Variants in ATP11A observed in about 807,000 individuals in gnomAD.
ATP11A encodes the protein ATPase phospholipid transporting 11A, also known as phospholipid-transporting ATPase IH.
In ATP11A, 81 loss-of-function variants were observed where a neutral mutation model predicts 154.4. The observed-to-expected ratio is 0.52, with a 90% CI of 0.44 to 0.63. The LOEUF (loss-of-function observed/expected upper bound fraction) is 0.63, where lower values mean the gene tolerates loss of function less well. Ranked by LOEUF, ATP11A falls within the 30% of genes least tolerant of loss-of-function variation. The pLI is 0.00. For missense variants in ATP11A, 1,316 were observed against 1,474.3 expected (o/e 0.89, Z 1.76); for synonymous variants, 623 against 585.9 (o/e 1.06, Z -0.91).
intron 1 of ATP11A, among the ~76,000 whole-genome samples, chr13:112,702,406 C>CCCCCG: frequency 6.6e-6 from 1 of 151,534 alleles, no homozygotes; most frequent in South Asian, 2.1e-4. Flanking sequence ...ACACGGAGGC[C>CCCCCG]CCCCGCCCCG....
rs9549564 is a variant in ATP11A at position 112,825,499 on chromosome 13, G to A, written c.942G>A (p.Leu314=). The change falls in exon 11 of 30, where the codon CTG becomes CTA. Residue 314 remains leucine, a synonymous_variant. Transcript: ENST00000375645. ...GCAAAGCCCTGATAAACACTGTGCT[G>A]AAATACATGTGGCAGAGTGAGCCCT... ...LISKALINTV[L]KYMWQSEPFR... The A allele has an allele frequency of 0.27, 437,319 of 1,613,006 alleles. 61,455 individuals are homozygous for A. The highest frequency in any genetic ancestry group is 0.28 in the Admixed American group (17,049 of 59,876).
Position 112,811,161 on chromosome 13 carries a change from A to AACACACACACACACACACACAAAC in ATP11A, c.441+456_441+457insAACACACACACACACACACACACA, listed in dbSNP as rs1392664308. On this transcript the variant is annotated intron_variant, in intron 5 of 29. Transcript: ENST00000375645. ...GGTGGATGTACCCACTGCCCCTTCC[A>AACACACACACACACACACACAAAC]ACACACACACACACACACACACACA... 4.8e-4 allele frequency among the ~76,000 whole-genome samples: 56 copies of AACACACACACACACACACACAAAC among 115,590 alleles called. 1 individual carries two copies. Among genetic ancestry groups the AACACACACACACACACACACAAAC allele is most frequent in the African/African-American group, 1.9e-3 (54 of 28,012 alleles). 75.8% of individuals were successfully genotyped at this position (115,590 alleles called of 152,430 possible). A position where few individuals can be genotyped will look rare whatever the true frequency, so the allele number is the denominator to read the frequency against.
intron 13 of ATP11A, among the ~76,000 whole-genome samples, 183 bp from the exon 14 acceptor site, chr13:112,832,677 T>C (rs1352807142): frequency 2.6e-5 from 4 of 152,030 alleles, no homozygotes; most frequent in Non-Finnish European, 5.9e-5. Flanking sequence ...CAAAACAGAG[T>C]GCTTGAGAAC....
chr13:112,757,564 G>A (rs866125162), intron 1 of ATP11A, among the ~76,000 whole-genome samples: 32 of 152,176 alleles, frequency 2.1e-4, no homozygotes, highest in Non-Finnish European at 3.5e-4. Flanking sequence ...GATTTGAATC[G>A]GGAAAAGCAG....
At chr13:112,780,222 C>G (rs982824942) in intron 1 of ATP11A, among the ~76,000 whole-genome samples, 2 of 152,234 alleles carry the variant, frequency 1.3e-5, no homozygotes, top group Middle Eastern at 6.8e-3. Flanking sequence ...TTGGTTCCAA[C>G]TGGAAAATAT....
intron 25 of ATP11A, among the ~76,000 whole-genome samples, chr13:112,871,294 T>C (rs113981039): frequency 7.9e-5 from 12 of 152,244 alleles, no homozygotes; most frequent in African/African-American, 2.7e-4. Context: ...CTCAGGCAAC[T>C]GTCTTTTCTA....
At chr13:112,771,900 G>A (rs527679099) in intron 1 of ATP11A, among the ~76,000 whole-genome samples, 1 of 152,364 alleles carries the variant, frequency 6.6e-6, no homozygotes, top group African/African-American at 2.4e-5. Flanking sequence ...CCAGTCCGGT[G>A]GGGAGTGAAG....
chr13:112,819,809 GTGT>G, intron 7 of ATP11A, 88 bp from the exon 8 acceptor site: 1 of 1,369,316 alleles, frequency 7.3e-7, no homozygotes, highest in Non-Finnish European at 1.0e-6. Context: ...AGGTGAAGAC[GTGT>G]GGCTCACAGA....
intron 1 of ATP11A, among the ~76,000 whole-genome samples, chr13:112,759,339 G>A (rs981563752): frequency 2.0e-5 from 3 of 152,192 alleles, no homozygotes; most frequent in Non-Finnish European, 2.9e-5. Context: ...GAGCAGTCTT[G>A]TTCCAGCCAC....
intron 1 of ATP11A, among the ~76,000 whole-genome samples, chr13:112,716,076 G>A (rs917272676): frequency 6.6e-6 from 1 of 152,002 alleles, no homozygotes; most frequent in Non-Finnish European, 1.5e-5. Context: ...GGAGAGGCTT[G>A]GAGCTCATTC....
intron 1 of ATP11A, among the ~76,000 whole-genome samples, chr13:112,742,530 A>G (rs1039892690): frequency 1.3e-5 from 2 of 152,360 alleles, no homozygotes; most frequent in Non-Finnish European, 2.9e-5. Context: ...CTGGACGACC[A>G]AAAGTGAGAA....
intron 2 of ATP11A, among the ~76,000 whole-genome samples, chr13:112,788,927 A>C (rs999348091): frequency 3.3e-5 from 5 of 151,982 alleles, no homozygotes; most frequent in Non-Finnish European, 5.9e-5. Context: ...CCTGATATGT[A>C]GATCCCTGTG....
intron 7 of ATP11A, 32 bp downstream of exon 7, chr13:112,819,439 G>A (rs897022527): frequency 6.3e-7 from 1 of 1,595,994 alleles, no homozygotes; most frequent in Non-Finnish European, 8.6e-7. Flanking sequence ...TTTAGAAACG[G>A]TTTTTTATGC....
At chr13:112,776,635 G>A (rs748948418) in intron 1 of ATP11A, among the ~76,000 whole-genome samples, 20 of 152,014 alleles carry the variant, frequency 1.3e-4, no homozygotes, top group South Asian at 4.2e-4. Context: ...TCAATCTGTC[G>A]TCCAGGCTGA....
At chr13:112,722,886 A>G (rs571059460) in intron 1 of ATP11A, among the ~76,000 whole-genome samples, 1 of 151,826 alleles carries the variant, frequency 6.6e-6, no homozygotes, top group South Asian at 2.1e-4. Flanking sequence ...TCAGCCGGAA[A>G]GGCAGGATGA....
intron 1 of ATP11A, among the ~76,000 whole-genome samples, chr13:112,742,206 C>T (rs753687145): frequency 3.9e-5 from 6 of 152,214 alleles, no homozygotes; most frequent in Admixed American, 6.5e-5. Context: ...AAAATAAGTG[C>T]AGGCTCATGT....
At chr13:112,842,471 G>T (rs2079450741) in intron 17 of ATP11A, 92 bp downstream of exon 17, 10 of 976,020 alleles carry the variant, frequency 1.0e-5, no homozygotes, top group Middle Eastern at 2.1e-4. Context: ...GCTGGGAATG[G>T]CGTATTGTAT....
chr13:112,734,065 G>A (rs780122686), intron 1 of ATP11A, among the ~76,000 whole-genome samples: 1 of 152,126 alleles, frequency 6.6e-6, no homozygotes, highest in African/African-American at 2.4e-5. Context: ...GATTTCATCC[G>A]GGTTAATGAG....
At position 112,882,653 on chromosome 13, in the gene ATP11A, A is replaced by G; in HGVS notation, c.*787A>G. 1 of 400,048 alleles carries G rather than the reference A, an allele frequency of 2.5e-6. No homozygotes were observed. The allele number at this position is 400,048 out of a possible 1,614,324, so 24.8% of individuals were successfully genotyped here. ...CCCCATCACCGGCCGCCTCGTGGAG[A>G]AGGCAGTGCCACGTGGGAGGACAAG... On this transcript the variant is annotated 3_prime_UTR_variant, in exon 30 of 30. Coordinates refer to ENST00000375645, the MANE Select transcript of ATP11A (RefSeq NM_015205.3). This position sits in a 1 kb window ranked among gnomAD's most constrained non-coding sequence, Gnocchi z 5.1.
Sources: gnomAD v4.1 joint callset for allele counts (sites outside exome capture counted in the v4.1 genomes callset) on GRCh38, gnomAD v4.1.1 for gene constraint, Gnocchi (gnomAD v3.1) non-coding constraint, MANE v1.5 for transcripts, NCBI Gene and HGNC (gene_info 2026-07-23, HGNC 2026-07-21) for gene names.